Variants in SRGAP2 observed in about 807,000 individuals in gnomAD.
The protein encoded by SRGAP2 is SLIT-ROBO Rho GTPase-activating protein 2.
SRGAP2 carries 15 observed loss-of-function variants against 57.2 expected under a neutral mutation model. That is an observed-to-expected ratio of 0.26 (90% CI 0.18 to 0.40). SRGAP2 has a LOEUF of 0.40. Among genes scored for constraint, SRGAP2 ranks in the 10% least tolerant of loss-of-function variants. The pLI is 1.00. For missense variants in SRGAP2, 520 were observed against 669.6 expected (o/e 0.78, Z 2.47); for synonymous variants, 249 against 248.0 (o/e 1.00, Z -0.04).
chr1:206,457,321 C>T (rs1413147806), intron 21 of SRGAP2, among the ~76,000 whole-genome samples: 2 of 152,158 alleles, frequency 1.3e-5, no homozygotes, highest in African/African-American at 2.4e-5. Flanking sequence ...ATAAAAAAGA[C>T]GAGGTCCCTG....
At chr1:206,336,048 A>G (rs1553333614) in intron 3 of SRGAP2, among the ~76,000 whole-genome samples, 2 of 151,050 alleles carry the variant, frequency 1.3e-5, no homozygotes, top group Non-Finnish European at 2.9e-5. Context: ...TCTCTACTTC[A>G]AAGCAGATTC....
At chr1:206,290,372 C>G (rs1671241946) in intron 2 of SRGAP2, among the ~76,000 whole-genome samples, 2 of 152,068 alleles carry the variant, frequency 1.3e-5, no homozygotes, top group Non-Finnish European at 2.9e-5. Flanking sequence ...ATAAGTCGGG[C>G]ACGGTGGCTC....
chr1:206,413,708 A>G (rs1052348556), intron 10 of SRGAP2, among the ~76,000 whole-genome samples: 1 of 152,202 alleles, frequency 6.6e-6, no homozygotes, highest in African/African-American at 2.4e-5. Flanking sequence ...TAGGCGTGGT[A>G]GTATCAGGGA....
rs781814693 is a variant in SRGAP2, at chr1:206,458,929, C to A, written c.2814C>A (p.Asp938Glu). ...SKSFNNHRPM[D>E]PEVIAQDIEA... ...GCTTCAATAACCATCGGCCCATGGA[C>A]CCTGAGGTCATTGCTCAGGTAACTG... The change falls in exon 22 of 23, where the codon GAC becomes GAA. Residue 938 changes from aspartate (D) to glutamate (E), a missense_variant. This residue lies in a region of SRGAP2 where 478 missense variants were observed against 373.6 expected (regional missense o/e 1.28). Coordinates refer to ENST00000573034, the MANE Select transcript of SRGAP2 (RefSeq NM_015326.5). 12 of 773,820 alleles carry A rather than the reference C, an allele frequency of 1.6e-5. No homozygotes were observed. The East Asian group carries it at 2.7e-4, about 17-fold the overall frequency. The allele number at this position is 773,820 out of a possible 1,614,324, so 47.9% of individuals were successfully genotyped here.
chr1:206,272,921 T>TA (rs1226464385), intron 2 of SRGAP2, among the ~76,000 whole-genome samples: 25 of 150,568 alleles, frequency 1.7e-4, no homozygotes, highest in African/African-American at 5.1e-4. Flanking sequence ...CTGCTGATTT[T>TA]AAAAAAACAT....
intron 2 of SRGAP2, among the ~76,000 whole-genome samples, chr1:206,255,341 CTCTG>C (rs1404811190): frequency 6.8e-6 from 1 of 147,472 alleles, no homozygotes; most frequent in Non-Finnish European, 1.5e-5. Flanking sequence ...CTGACTACTT[CTCTG>C]TCTTTTTTTT....
intron 2 of SRGAP2, among the ~76,000 whole-genome samples, chr1:206,258,421 A>G (rs1669325346): frequency 6.6e-6 from 1 of 151,104 alleles, no homozygotes; most frequent in South Asian, 2.1e-4. Flanking sequence ...CACTCTGGCT[A>G]CTGTTGAGAT....
intron 18 of SRGAP2, among the ~76,000 whole-genome samples, chr1:206,446,973 G>T (rs2103363415): frequency 6.6e-6 from 1 of 152,256 alleles, no homozygotes; most frequent in Middle Eastern, 3.4e-3. Flanking sequence ...TCTATTTTAT[G>T]GATGAAGTAG....
chr1:206,251,575 C>T (rs1239303871), intron 2 of SRGAP2, among the ~76,000 whole-genome samples: 1 of 151,332 alleles, frequency 6.6e-6, no homozygotes, highest in African/African-American at 2.4e-5. Context: ...TGTAGGATTA[C>T]CTTTAGCCCT....
chr1:206,298,955 C>T (rs1671733113), intron 2 of SRGAP2, among the ~76,000 whole-genome samples: 1 of 152,096 alleles, frequency 6.6e-6, no homozygotes, highest in South Asian at 2.1e-4. Context: ...CAAGCCATGC[C>T]TCTTTAGACA....
At chr1:206,244,790 G>A (rs1335897113) in intron 2 of SRGAP2, among the ~76,000 whole-genome samples, 41 of 151,982 alleles carry the variant, frequency 2.7e-4, no homozygotes, top group African/African-American at 6.3e-4. Flanking sequence ...TAGCCAGGGC[G>A]CCCCTCTTAG....
intron 2 of SRGAP2, among the ~76,000 whole-genome samples, chr1:206,259,914 T>TA (rs1433036801): frequency 1.4e-5 from 1 of 71,666 alleles, no homozygotes; most frequent in African/African-American, 5.7e-5. Context: ...AAATACTTAA[T>TA]AAAAAAGCAC....
chr1:206,252,255 T>G (rs1416126120), intron 2 of SRGAP2, among the ~76,000 whole-genome samples: 2 of 149,220 alleles, frequency 1.3e-5, no homozygotes, highest in Non-Finnish European at 3.0e-5. Context: ...CCTGCTTTTT[T>G]CTTTCTCTCT....
At chr1:206,209,483 A>G (rs1357945750) in intron 2 of SRGAP2, among the ~76,000 whole-genome samples, 1 of 150,688 alleles carries the variant, frequency 6.6e-6, no homozygotes, top group African/African-American at 2.5e-5. Context: ...CCCCAACCCT[A>G]CCCCAGAGTG....
intron 13 of SRGAP2, among the ~76,000 whole-genome samples, chr1:206,424,977 T>C (rs985507269): frequency 1.3e-5 from 2 of 152,194 alleles, no homozygotes; most frequent in African/African-American, 4.8e-5. Flanking sequence ...TGCATGTGAG[T>C]GCTGCTGGTA....
chr1:206,452,602 G>A (rs1433176562), intron 19 of SRGAP2, among the ~76,000 whole-genome samples: 1 of 152,150 alleles, frequency 6.6e-6, no homozygotes, highest in East Asian at 1.9e-4. Context: ...AGAAAGCAGG[G>A]GATGCGGTCG....
chr1:206,276,697 G>T (rs1424576346), intron 2 of SRGAP2, among the ~76,000 whole-genome samples: 23 of 152,086 alleles, frequency 1.5e-4, no homozygotes, highest in Non-Finnish European at 2.6e-4. Flanking sequence ...TTTTCCTTAG[G>T]CTGGGAACTC....
chr1:206,313,445 C>T (rs1370924864), intron 3 of SRGAP2, among the ~76,000 whole-genome samples: 5 of 141,676 alleles, frequency 3.5e-5, no homozygotes, highest in African/African-American at 5.4e-5. Flanking sequence ...TTGAACAAAG[C>T]TTTAAAGAAA....
intron 5 of SRGAP2, among the ~76,000 whole-genome samples, chr1:206,389,165 CTTTTTT>C (rs71274650): frequency 1.4e-5 from 1 of 73,074 alleles, no homozygotes; most frequent in Non-Finnish European, 2.4e-5. Context: ...CTCAGACTTC[CTTTTTT>C]TTTTTTTTTT....
Sources: allele counts gnomAD v4.1 joint callset (sites outside exome capture counted in the v4.1 genomes callset), GRCh38; gene constraint gnomAD v4.1.1; regional missense constraint gnomAD v4.1.1; transcripts MANE v1.5; gene names NCBI Gene and HGNC (gene_info 2026-07-23, HGNC 2026-07-21).